CHST11: variants seen among roughly 807,000 people sequenced by gnomAD.
CHST11 encodes carbohydrate sulfotransferase 11.
Under a neutral mutation model 30.4 loss-of-function variants are expected in CHST11, and 9 were observed. The ratio of observed to expected loss-of-function variants is 0.30; its 90% CI spans 0.18 to 0.52. CHST11 has a LOEUF of 0.52. Ranked by LOEUF, CHST11 falls within the 20% of genes least tolerant of loss-of-function variation. The probability of loss-of-function intolerance (pLI) is 0.97; values close to 1 mark genes in which losing one functional copy is unlikely to be tolerated. For missense variants in CHST11, 348 were observed against 460.6 expected (o/e 0.76, Z 2.24); for synonymous variants, 152 against 187.8 (o/e 0.81, Z 1.56).
intron 1 of CHST11, among the ~76,000 whole-genome samples, chr12:104,595,289 T>C (rs2038897915): frequency 6.6e-6 from 1 of 152,234 alleles, no homozygotes; most frequent in East Asian, 1.9e-4. Context: ...CACCAGGGGT[T>C]TTAAAACCCT....
At chr12:104,557,265 C>A (rs545981182) in intron 1 of CHST11, among the ~76,000 whole-genome samples, 4 of 152,196 alleles carry the variant, frequency 2.6e-5, no homozygotes, top group Non-Finnish European at 4.4e-5. Context: ...CTGCCTCTTT[C>A]TGGTTCTCTG....
At chr12:104,750,685 C>A (rs944709546) in intron 2 of CHST11, among the ~76,000 whole-genome samples, 1 of 151,554 alleles carries the variant, frequency 6.6e-6, no homozygotes, top group Non-Finnish European at 1.5e-5. Flanking sequence ...CTCAGGTGAT[C>A]CACTCGCCTC....
At chr12:104,469,375 C>A (rs2037486587) in intron 1 of CHST11, among the ~76,000 whole-genome samples, 1 of 152,202 alleles carries the variant, frequency 6.6e-6, no homozygotes, top group African/African-American at 2.4e-5. Flanking sequence ...CAATTATGCA[C>A]TTAATTACTC....
chr12:104,517,317 T>C (rs1030349294), intron 1 of CHST11, among the ~76,000 whole-genome samples: 3 of 152,174 alleles, frequency 2.0e-5, no homozygotes, highest in African/African-American at 4.8e-5. Context: ...GAAGCCGATT[T>C]AATCCTGGTC....
intron 1 of CHST11, among the ~76,000 whole-genome samples, chr12:104,582,606 G>T (rs1218885886): frequency 2.0e-5 from 3 of 152,100 alleles, no homozygotes; most frequent in African/African-American, 7.2e-5. Context: ...GCCAATCACT[G>T]TTGGGAACAC....
chr12:104,657,103 C>G (rs1368298391), intron 2 of CHST11, among the ~76,000 whole-genome samples: 1 of 152,142 alleles, frequency 6.6e-6, no homozygotes, highest in Non-Finnish European at 1.5e-5. Context: ...CCAGCCTCAG[C>G]TCCGGGCTGT....
chr12:104,502,975 G>C (rs888343771), intron 1 of CHST11, among the ~76,000 whole-genome samples: 2 of 152,244 alleles, frequency 1.3e-5, no homozygotes, highest in Non-Finnish European at 2.9e-5. Flanking sequence ...ATTCGGCCTT[G>C]CTAGCAAGCT....
chr12:104,647,850 C>T (rs537999261), intron 2 of CHST11, among the ~76,000 whole-genome samples: 127 of 152,322 alleles, frequency 8.3e-4, no homozygotes, highest in Admixed American at 2.7e-3. Flanking sequence ...TGGATTGGAG[C>T]TTTCAAGGTG....
intron 1 of CHST11, chr12:104,514,255 C>T: frequency 1.2e-6 from 1 of 863,730 alleles, no homozygotes; most frequent in Non-Finnish European, 2.0e-6. Context: ...GGGGCAGCCA[C>T]AGTTGGTGTG....
chr12:104,593,868 C>G (rs11112122), intron 1 of CHST11, among the ~76,000 whole-genome samples: 42,817 of 152,016 alleles, frequency 0.28, 6,164 homozygotes, highest in African/African-American at 0.34. Context: ...AGCACCACGA[C>G]AGCATATCAT....
chr12:104,622,823 T>A (rs1300850678), intron 2 of CHST11, among the ~76,000 whole-genome samples: 1 of 152,090 alleles, frequency 6.6e-6, no homozygotes, highest in Non-Finnish European at 1.5e-5. Context: ...GCCAAGCACA[T>A]GGTAAAAGTG....
Position 104,558,555 on chromosome 12 carries a change from C to T in CHST11, c.119-43351C>T, listed in dbSNP as rs144652361. On this transcript the variant is annotated intron_variant, in intron 1 of 2. Transcript: ENST00000303694. Reference sequence around the variant, plus strand: ...GCAGAAATTCCCCCCCCCGCCCCCCCGAGACAGGTTCTCACTCTTGTCCCC... The same window carrying T: ...GCAGAAATTCCCCCCCCCGCCCCCCTGAGACAGGTTCTCACTCTTGTCCCC... Among the ~76,000 whole-genome samples, 1,960 of 138,578 alleles carry T rather than the reference C, an allele frequency of 0.014. 72 individuals are homozygous for T. In the East Asian group the frequency reaches 0.16, roughly 12 times the overall value. 90.9% of individuals were successfully genotyped at this position (138,578 alleles called of 152,430 possible). A position where few individuals can be genotyped will look rare whatever the true frequency, so the allele number is the denominator to read the frequency against.
chr12:104,519,106 T>TGTGTGTGTGTGTGTGTGTG (rs1555229567), intron 1 of CHST11, among the ~76,000 whole-genome samples: 2 of 98,696 alleles, frequency 2.0e-5, no homozygotes, highest in African/African-American at 1.0e-4. Flanking sequence ...GTGTGTGTGT[T>TGTGTGTGTGTGTGTGTGTG]TCTTTCTCCA....
chr12:104,532,720 A>G (rs937539780), intron 1 of CHST11, among the ~76,000 whole-genome samples: 7 of 152,268 alleles, frequency 4.6e-5, no homozygotes, highest in African/African-American at 1.7e-4. Flanking sequence ...TGTGCCAGCC[A>G]TTGATGAGAC....
At chr12:104,635,540 T>C (rs2039315397) in intron 2 of CHST11, among the ~76,000 whole-genome samples, 1 of 152,212 alleles carries the variant, frequency 6.6e-6, no homozygotes, top group Admixed American at 6.5e-5. Context: ...TTCCGCTGGA[T>C]GATGTCTTTG....
intron 1 of CHST11, among the ~76,000 whole-genome samples, chr12:104,571,793 G>C (rs1312181003): frequency 6.6e-6 from 1 of 152,184 alleles, no homozygotes; most frequent in African/African-American, 2.4e-5. Context: ...TCTTGTGCCG[G>C]TTTTCAAAGG....
At chr12:104,583,849 AT>A (rs1275851880) in intron 1 of CHST11, among the ~76,000 whole-genome samples, 1 of 152,014 alleles carries the variant, frequency 6.6e-6, no homozygotes, top group Non-Finnish European at 1.5e-5. Context: ...AGTAGCTGGG[AT>A]TACAGGCACC....
intron 2 of CHST11, among the ~76,000 whole-genome samples, chr12:104,713,910 C>T (rs563560577): frequency 6.6e-6 from 1 of 152,310 alleles, no homozygotes; most frequent in African/African-American, 2.4e-5. Flanking sequence ...CCAACCCACC[C>T]ATAGCTGCCC....
At chr12:104,708,945 A>G (rs2040061001) in intron 2 of CHST11, among the ~76,000 whole-genome samples, 1 of 152,156 alleles carries the variant, frequency 6.6e-6, no homozygotes, top group Non-Finnish European at 1.5e-5. Context: ...AGGAGATGAC[A>G]AAGCTGTGAA....
Sources: allele counts gnomAD v4.1 joint callset (sites outside exome capture counted in the v4.1 genomes callset), GRCh38; gene constraint gnomAD v4.1.1; transcripts MANE v1.5; gene names NCBI Gene and HGNC (gene_info 2026-07-23, HGNC 2026-07-21).